Variants in FILIP1L observed in about 807,000 individuals in gnomAD.
FILIP1L encodes filamin A-interacting protein 1-like.
Under a neutral mutation model 96.6 loss-of-function variants are expected in FILIP1L, and 55 were observed. The observed-to-expected ratio is 0.57, with a 90% CI of 0.46 to 0.71. The LOEUF is 0.71. FILIP1L is among the 30% of genes least tolerant of loss of function. The pLI is 0.00. For missense variants in FILIP1L, 1,304 were observed against 1,321.2 expected (o/e 0.99, Z 0.20); for synonymous variants, 467 against 473.9 (o/e 0.99, Z 0.19).
intron 4 of FILIP1L, among the ~76,000 whole-genome samples, chr3:99,860,075 C>T (rs1467109907): frequency 6.6e-6 from 1 of 152,148 alleles, no homozygotes; most frequent in East Asian, 1.9e-4. Context: ...TCTATGTCTG[C>T]TTTATGTCCT....
At chr3:99,897,519 A>T (rs1358862694) in intron 4 of FILIP1L, among the ~76,000 whole-genome samples, 1 of 152,164 alleles carries the variant, frequency 6.6e-6, no homozygotes, top group Non-Finnish European at 1.5e-5. Flanking sequence ...AATTTTCTTT[A>T]CTAGTTATTT....
At chr3:100,007,893 C>A (rs926254384) in intron 1 of FILIP1L, among the ~76,000 whole-genome samples, 3 of 152,088 alleles carry the variant, frequency 2.0e-5, no homozygotes. Context: ...AGTCTCTCAC[C>A]CACTGGGTAA....
intron 4 of FILIP1L, among the ~76,000 whole-genome samples, chr3:99,860,717 A>G (rs1944208577): frequency 6.6e-6 from 1 of 152,210 alleles, no homozygotes; most frequent in Admixed American, 6.5e-5. Flanking sequence ...CTAGACCTGG[A>G]AGAAGAAACT....
intron 1 of FILIP1L, among the ~76,000 whole-genome samples, chr3:100,057,129 G>T (rs190619842): frequency 6.6e-6 from 1 of 152,350 alleles, no homozygotes; most frequent in East Asian, 1.9e-4. Flanking sequence ...AGTCAGAGAA[G>T]CTCTGGTGCT....
chr3:100,041,391 A>G (rs1189397111), intron 1 of FILIP1L: 1 of 152,178 alleles, frequency 6.6e-6, no homozygotes, highest in Non-Finnish European at 1.5e-5. Context: ...TTTACCTTCC[A>G]CATGATTTAC....
At position 99,849,832 on chromosome 3, in the gene FILIP1L, G is replaced by C. The variant is rs200994891; in HGVS notation, c.1844C>G (p.Thr615Arg). The C allele has an allele frequency of 2.2e-5, 35 of 1,611,238 alleles. No homozygotes were observed. Among genetic ancestry groups the C allele is most frequent in the Non-Finnish European group, 2.8e-5 (33 of 1,179,532 alleles). Residue 615 changes from threonine (T) to arginine (R), a missense_variant, in exon 5 of 6, where the codon ACA becomes AGA. Transcript: ENST00000477258. Reference protein sequence around the residue: ...NKLNQDSGKSTTALHQENNKI... With the variant: ...NKLNQDSGKSRTALHQENNKI... Reference sequence around the variant, plus strand: ...ATTGTTTTCTTGGTGTAATGCTGTTGTGGATTTCCCAGAGTCTTGATTTAA... The same window carrying C: ...ATTGTTTTCTTGGTGTAATGCTGTTCTGGATTTCCCAGAGTCTTGATTTAA...
Position 99,934,272 on chromosome 3 carries a change from G to A in FILIP1L, c.-10-3242C>T, listed in dbSNP as rs768527. Among the ~76,000 whole-genome samples the A allele has an allele frequency of 4.5e-3, 684 of 152,300 alleles. 7 individuals are homozygous for A. Among genetic ancestry groups the A allele is most frequent in the African/African-American group, 0.016 (670 of 41,564 alleles). ...ATACAAGGCCACATTGCAAAGGAAT[G>A]GAAGGAATTAACTGCAGCCATCTTT... is the stretch of plus-strand genomic sequence containing the variant. On this transcript the variant is annotated intron_variant, in intron 1 of 5. Transcript: ENST00000477258.
At chr3:100,018,826 G>C (rs1257139210) in intron 1 of FILIP1L, among the ~76,000 whole-genome samples, 1 of 150,416 alleles carries the variant, frequency 6.6e-6, no homozygotes, top group Admixed American at 6.6e-5. Context: ...AGGGGTTAAT[G>C]TATAAGACTG....
intron 4 of FILIP1L, 116 bp downstream of exon 4, chr3:99,924,114 A>G (rs1707211297): frequency 1.2e-6 from 1 of 858,014 alleles, no homozygotes; most frequent in South Asian, 1.7e-5. Flanking sequence ...ACCCTGGACT[A>G]TGAGATCTTT....
At chr3:99,876,051 A>C (rs1352976586) in intron 4 of FILIP1L, 1 of 985,608 alleles carries the variant, frequency 1.0e-6, no homozygotes, top group African/African-American at 1.7e-5. Context: ...TGGTGGAGCG[A>C]AGTTGCTCTC....
chr3:100,054,513 TTA>T (rs1324380253), intron 1 of FILIP1L, among the ~76,000 whole-genome samples: 2 of 151,878 alleles, frequency 1.3e-5, no homozygotes, highest in South Asian at 2.1e-4. Context: ...TTATGTTATG[TTA>T]TGTTATGTTA....
chr3:100,059,239 A>G (rs1304970564), intron 1 of FILIP1L, among the ~76,000 whole-genome samples: 1 of 152,240 alleles, frequency 6.6e-6, no homozygotes, highest in Non-Finnish European at 1.5e-5. Context: ...TATCCTTTAA[A>G]AAATACAATG....
Position 99,848,905 on chromosome 3 carries a change from G to T in FILIP1L, c.2771C>A (p.Thr924Lys). The T allele has an allele frequency of 6.2e-7, 1 of 1,614,176 alleles. No homozygotes were observed. Among genetic ancestry groups the T allele is most frequent in the Non-Finnish European group, 8.5e-7 (1 of 1,180,032 alleles). The change falls in exon 5 of 6, where the codon ACA becomes AAA. Residue 924 changes from threonine to lysine, a missense_variant. Coordinates refer to ENST00000477258, the MANE Select transcript of FILIP1L (RefSeq NM_001387850.1). ...ACTCGTGTAAGAGTGAGGACTCTCT[G>T]TGGTTGGACTTGTGATTTCAAGAGT... ...TATLEITSPT[T>K]ESPHSYTSTA... is the part of the protein sequence containing the mutation.
At chr3:100,087,596 T>A (rs1333559194) in intron 1 of FILIP1L, among the ~76,000 whole-genome samples, 1 of 152,064 alleles carries the variant, frequency 6.6e-6, no homozygotes, top group Non-Finnish European at 1.5e-5. Context: ...TATTATTGAG[T>A]TTTGAGATTT....
At chr3:99,901,524 G>A (rs1706435535) in intron 4 of FILIP1L, among the ~76,000 whole-genome samples, 1 of 152,166 alleles carries the variant, frequency 6.6e-6, no homozygotes. Context: ...ACTTTTGCTT[G>A]GCTATTAGCC....
At chr3:99,948,726 T>A (rs1428669282) in intron 1 of FILIP1L, among the ~76,000 whole-genome samples, 16 of 113,614 alleles carry the variant, frequency 1.4e-4, no homozygotes, top group East Asian at 7.6e-4. Flanking sequence ...GAAAGGGAAG[T>A]GGAAGGGAAG....
chr3:99,921,343 C>T (rs571246850), intron 4 of FILIP1L, among the ~76,000 whole-genome samples: 1 of 152,244 alleles, frequency 6.6e-6, no homozygotes, highest in South Asian at 2.1e-4. Context: ...TCATTTAATA[C>T]TACTTTGATG....
chr3:99,839,780 A>G (rs1943049976), intron 5 of FILIP1L, among the ~76,000 whole-genome samples: 1 of 152,220 alleles, frequency 6.6e-6, no homozygotes, highest in East Asian at 1.9e-4. Context: ...CAATTATGCA[A>G]CAAAACTCTT....
intron 4 of FILIP1L, among the ~76,000 whole-genome samples, chr3:99,919,986 T>C (rs538768917): frequency 6.6e-6 from 1 of 152,330 alleles, no homozygotes; most frequent in Admixed American, 6.5e-5. Flanking sequence ...ACTCCTTTCT[T>C]TGTGGTGTTT....
Sources: allele counts gnomAD v4.1 joint callset (sites outside exome capture counted in the v4.1 genomes callset), GRCh38; gene constraint gnomAD v4.1.1; transcripts MANE v1.5; gene names NCBI Gene and HGNC (gene_info 2026-07-23, HGNC 2026-07-21).